Variants in PTPRN2 observed in about 807,000 individuals in gnomAD.
PTPRN2 encodes the protein receptor-type tyrosine-protein phosphatase N2.
PTPRN2 carries 74 observed loss-of-function variants against 118.8 expected under a neutral mutation model. That is an observed-to-expected ratio of 0.62 (90% confidence interval 0.52 to 0.76). The LOEUF (loss-of-function observed/expected upper bound fraction) is 0.76. Ranked by LOEUF, PTPRN2 falls within the 30% of genes least tolerant of loss-of-function variation. The pLI is 0.00. For missense variants in PTPRN2, 1,481 were observed against 1,394.4 expected (o/e 1.06, Z -0.99); for synonymous variants, 641 against 608.0 (o/e 1.05, Z -0.80).
chr7:158,356,990 C>T (rs1346462490), intron 2 of PTPRN2, among the ~76,000 whole-genome samples: 2 of 152,138 alleles, frequency 1.3e-5, no homozygotes, highest in African/African-American at 2.4e-5. Context: ...GAGCGGCCTC[C>T]GTCTGGCTAC....
At chr7:157,592,408 G>T (rs562150002) in intron 17 of PTPRN2, among the ~76,000 whole-genome samples, 1 of 152,316 alleles carries the variant, frequency 6.6e-6, no homozygotes, top group East Asian at 1.9e-4. Flanking sequence ...CTGAACGGAG[G>T]TTGGATGTGG....
In PTPRN2 at chr7:158,461,495, C is replaced by CAA. The variant is rs71200029; in HGVS notation, c.163+28238_163+28239dup. Among the ~76,000 whole-genome samples, 415 of 133,786 alleles carry CAA rather than the reference C, an allele frequency of 3.1e-3. 2 individuals carry two copies. Among genetic ancestry groups the CAA allele is most frequent in the South Asian group, 0.019 (78 of 4,034 alleles). 87.8% of individuals were successfully genotyped at this position (133,786 alleles called of 152,430 possible). A position where few individuals can be genotyped will look rare whatever the true frequency, so the allele number is the denominator to read the frequency against. ...TGGGCAACAGAGCGAGACTCCGTCT[C>CAA]AAAAAAAAAAAAAAATCTTACAGCA... On this transcript the variant is annotated intron_variant, in intron 2 of 22. Coordinates refer to ENST00000389418, the MANE Select transcript of PTPRN2 (RefSeq NM_002847.5).
intron 11 of PTPRN2, among the ~76,000 whole-genome samples, chr7:158,071,769 A>AGGTGCTCGTGG (rs1563393422): frequency 8.9e-5 from 4 of 44,812 alleles, no homozygotes; most frequent in African/African-American, 5.0e-4. Flanking sequence ...GCTCGTGGTG[A>AGGTGCTCGTGG]TGGAGGTGCT....
Position 158,278,125 on chromosome 7 carries a change from C to G in PTPRN2, c.277+38694G>C, listed in dbSNP as rs568666866. On this transcript the variant is annotated intron_variant, in intron 3 of 22. Transcript: ENST00000389418. ...GCGTCTGCAGGAGGCCTGAGCCTGC[C>G]CCACCAGCCTCAGCACGTAACATGT... Among the ~76,000 whole-genome samples, 6 of 152,266 alleles carry G rather than the reference C, an allele frequency of 3.9e-5. No individual in the cohort carries two copies. In the East Asian group the frequency reaches 1.2e-3, roughly 29 times the overall value.
chr7:158,100,242 GGGGT>G (rs1479552133), intron 10 of PTPRN2, among the ~76,000 whole-genome samples: 38 of 113,540 alleles, frequency 3.3e-4, no homozygotes, highest in African/African-American at 9.2e-4. Flanking sequence ...AGTATTCCAT[GGGGT>G]GTGTGTGTGT....
At position 157,691,000 on chromosome 7, in the gene PTPRN2, C is replaced by A. The variant is rs1255012611; in HGVS notation, c.1789-8063G>T. ...CGGCCGCCGCGCCCCGCCTTATATC[C>A]GGCCCGGCGCGCACCCGGCCGGCGG... is the stretch of plus-strand genomic sequence containing the variant. On this transcript the variant is annotated intron_variant, in intron 12 of 22. Coordinates refer to ENST00000389418, the MANE Select transcript of PTPRN2 (RefSeq NM_002847.5). The surrounding 1 kb of genome is among the most constrained non-coding windows in gnomAD (Gnocchi z 7.1). Among the ~76,000 whole-genome samples, 1 of 147,642 alleles carries A rather than the reference C, an allele frequency of 6.8e-6. No homozygotes were observed. Among genetic ancestry groups the A allele is most frequent in the Admixed American group, 6.7e-5 (1 of 14,906 alleles).
chr7:157,874,746 TAC>T lies in PTPRN2; in HGVS notation c.1788+23925_1788+23926del, dbSNP rs905737716. ...ACACACAGAGACACACTCATGCACA[TAC>T]ACAGACACACACTCATGCACACACA... On this transcript the variant is annotated intron_variant, in intron 12 of 22. Transcript: ENST00000389418. The surrounding 1 kb of genome is among the most constrained non-coding windows in gnomAD (Gnocchi z 5.8). 1.3e-4 allele frequency among the ~76,000 whole-genome samples: 19 copies of T among 147,242 alleles called. No individual in the cohort carries two copies. The highest frequency in any genetic ancestry group is 4.1e-4 in the African/African-American group (16 of 39,388).
chr7:158,106,845 C>T (rs1299622614), intron 10 of PTPRN2, among the ~76,000 whole-genome samples: 1 of 152,174 alleles, frequency 6.6e-6, no homozygotes, highest in Non-Finnish European at 1.5e-5. Context: ...GAGGAAAAGT[C>T]ACTTCCCCAG....
chr7:157,664,118 G>A (rs10241251), intron 13 of PTPRN2, among the ~76,000 whole-genome samples: 58,443 of 152,082 alleles, frequency 0.38, 12,294 homozygotes, highest in Non-Finnish European at 0.49. Flanking sequence ...TGGCTACAGC[G>A]GGGGAGGGGG....
chr7:158,376,663 G>A (rs1479162863), intron 2 of PTPRN2, among the ~76,000 whole-genome samples: 3 of 124,832 alleles, frequency 2.4e-5, no homozygotes, highest in Non-Finnish European at 4.9e-5. Flanking sequence ...CTGCATGCGG[G>A]GTCAGGGGAC....
At chr7:158,130,385 GCA>G (rs1309661318) in intron 9 of PTPRN2, among the ~76,000 whole-genome samples, 7 of 150,820 alleles carry the variant, frequency 4.6e-5, no homozygotes, top group African/African-American at 1.5e-4. Flanking sequence ...ATGCACATAT[GCA>G]CACACTTCTA....
chr7:158,380,488 C>A (rs1028744402), intron 2 of PTPRN2, among the ~76,000 whole-genome samples: 3 of 152,218 alleles, frequency 2.0e-5, no homozygotes, highest in African/African-American at 7.2e-5. Context: ...ACATCTGGGT[C>A]ATGGTGATGC....
intron 6 of PTPRN2, among the ~76,000 whole-genome samples, chr7:158,154,414 A>C (rs1379684431): frequency 1.3e-5 from 2 of 152,252 alleles, no homozygotes; most frequent in Admixed American, 1.3e-4. Flanking sequence ...ATTTGTTGAC[A>C]GGAAGTTGTG....
intron 3 of PTPRN2, among the ~76,000 whole-genome samples, chr7:158,315,768 G>T (rs576106112): frequency 6.6e-6 from 1 of 152,364 alleles, no homozygotes; most frequent in African/African-American, 2.4e-5. Context: ...AGACATATTA[G>T]ATAGACGTCT....
intron 11 of PTPRN2, among the ~76,000 whole-genome samples, chr7:157,966,400 C>T (rs1308722157): frequency 2.6e-5 from 4 of 152,070 alleles, no homozygotes; most frequent in African/African-American, 9.7e-5. Flanking sequence ...TCATCACTAT[C>T]ACCATCATCG....
chr7:157,898,781 T>C, intron 11 of PTPRN2, 44 bp from the exon 12 acceptor site: 2 of 1,499,354 alleles, frequency 1.3e-6, no homozygotes, highest in African/African-American at 1.4e-5. Context: ...GTTGGAGAGG[T>C]CCTCAGTCTC....
At chr7:158,252,843 A>C (rs1796773283) in intron 3 of PTPRN2, among the ~76,000 whole-genome samples, 8 of 150,218 alleles carry the variant, frequency 5.3e-5, no homozygotes, top group South Asian at 2.1e-4. Flanking sequence ...CACCCCCACC[A>C]CCCCCGATTG....
At chr7:158,515,237 A>C (rs547723334) in intron 1 of PTPRN2, among the ~76,000 whole-genome samples, 12 of 147,860 alleles carry the variant, frequency 8.1e-5, no homozygotes, top group Non-Finnish European at 1.5e-4. Flanking sequence ...CCCAGGCTGG[A>C]GTGCAATGGC....
At chr7:157,880,692 CT>C (rs1419542786) in intron 12 of PTPRN2, among the ~76,000 whole-genome samples, 3 of 152,232 alleles carry the variant, frequency 2.0e-5, no homozygotes, top group Non-Finnish European at 4.4e-5. Context: ...ATGGCTCAGA[CT>C]GAACCGTGGA....
Sources: gnomAD v4.1 joint callset for allele counts (sites outside exome capture counted in the v4.1 genomes callset) on GRCh38, gnomAD v4.1.1 for gene constraint, Gnocchi (gnomAD v3.1) non-coding constraint, MANE v1.5 for transcripts, NCBI Gene and HGNC (gene_info 2026-07-23, HGNC 2026-07-21) for gene names.